Variants in KCNQ1 observed in about 807,000 individuals in gnomAD.
The protein encoded by KCNQ1 is potassium voltage-gated channel subfamily Q member 1.
A neutral mutation model predicts 72.4 loss-of-function variants in KCNQ1; 49 were observed. The ratio of observed to expected loss-of-function variants is 0.68; its 90% CI spans 0.54 to 0.86. The LOEUF is 0.86. Among genes scored for constraint, KCNQ1 ranks in the 40% least tolerant of loss-of-function variants. KCNQ1 has a pLI of 0.00. For synonymous variants in KCNQ1, 450 were observed against 412.6 expected (o/e 1.09, Z -1.10); for missense variants, 790 against 945.1 (o/e 0.84, Z 2.15).
chr11:2,476,800 C>T (rs544879837), intron 1 of KCNQ1, among the ~76,000 whole-genome samples: 1 of 152,210 alleles, frequency 6.6e-6, no homozygotes, highest in Non-Finnish European at 1.5e-5. Context: ...GCTCCTCCCC[C>T]CTCAGCCTCC....
Position 2,710,271 on chromosome 11 carries a change from C to G in KCNQ1, c.1514+48190C>G, listed in dbSNP as rs1428018951. ...TGAGCATCTTATTAGCCATTTGTATCTCTTCTTTGAAGAAGTATGTATTCA... is the reference window on the plus strand; with the variant it reads ...TGAGCATCTTATTAGCCATTTGTATGTCTTCTTTGAAGAAGTATGTATTCA... On this transcript the variant is annotated intron_variant, in intron 11 of 15. Coordinates refer to ENST00000155840, the MANE Select transcript of KCNQ1 (RefSeq NM_000218.3). This position sits in a 1 kb window ranked among gnomAD's most constrained non-coding sequence, Gnocchi z 4.1. Among the ~76,000 whole-genome samples the G allele has an allele frequency of 6.6e-6, 1 of 152,164 alleles. No homozygotes were observed. The highest frequency in any genetic ancestry group is 1.9e-4 in the East Asian group (1 of 5,200).
chr11:2,472,072 G>C (rs1419735639), intron 1 of KCNQ1, among the ~76,000 whole-genome samples: 4 of 151,746 alleles, frequency 2.6e-5, no homozygotes, highest in African/African-American at 9.7e-5. Context: ...GTGTAGGTGT[G>C]TGTGTTCATG....
At chr11:2,832,105 T>C (rs547921806) in intron 15 of KCNQ1, among the ~76,000 whole-genome samples, 1 of 152,190 alleles carries the variant, frequency 6.6e-6, no homozygotes, top group Non-Finnish European at 1.5e-5. Flanking sequence ...CCAGCCTTCC[T>C]GACAGGTGAT....
chr11:2,662,697 G>C (rs916819411), intron 11 of KCNQ1: 2 of 402,466 alleles, frequency 5.0e-6, no homozygotes, highest in Non-Finnish European at 8.8e-6. Flanking sequence ...GGTGACAGCC[G>C]TGCAGCGGGG....
rs1850150177 is a variant in KCNQ1 at position 2,669,886 on chromosome 11, A to G, written c.1514+7805A>G. 1 of 398,474 alleles carries G rather than the reference A, an allele frequency of 2.5e-6. No homozygotes were observed. Among genetic ancestry groups the G allele is most frequent in the Admixed American group, 4.4e-5 (1 of 22,708 alleles). 24.7% of individuals were successfully genotyped at this position (398,474 alleles called of 1,614,324 possible). A position where few individuals can be genotyped will look rare whatever the true frequency, so the allele number is the denominator to read the frequency against. On this transcript the variant is annotated intron_variant, in intron 11 of 15. Coordinates refer to ENST00000155840, the MANE Select transcript of KCNQ1 (RefSeq NM_000218.3). The surrounding 1 kb of genome is among the most constrained non-coding windows in gnomAD (Gnocchi z 5.6). ...ATATGGCTGTCAGCTGCTGTCCTTAATAAGATGTGCCTAGAGGCCTGAGAG... is the reference window on the plus strand; with the variant it reads ...ATATGGCTGTCAGCTGCTGTCCTTAGTAAGATGTGCCTAGAGGCCTGAGAG...
chr11:2,510,235 T>C (rs1847176323), intron 1 of KCNQ1, among the ~76,000 whole-genome samples: 1 of 151,232 alleles, frequency 6.6e-6, no homozygotes, highest in Non-Finnish European at 1.5e-5. Context: ...GCTATGATCT[T>C]GCCACTGCAC....
rs925614213 is a variant in KCNQ1, at chr11:2,816,857, G to C, written c.1795-30910G>C. Among the ~76,000 whole-genome samples, 4 of 151,920 alleles carry C rather than the reference G, an allele frequency of 2.6e-5. No homozygotes were observed. Among genetic ancestry groups the C allele is most frequent in the African/African-American group, 9.7e-5 (4 of 41,386 alleles). On this transcript the variant is annotated intron_variant, in intron 15 of 15. Transcript: ENST00000155840. This position sits in a 1 kb window ranked among gnomAD's most constrained non-coding sequence, Gnocchi z 6.8. ...CCATCTGATGTCTGAGCCCTGAACA[G>C]ACACAGGTGTCTGTTCAGGGCTCCT... is the stretch of plus-strand genomic sequence containing the variant.
In KCNQ1 at chr11:2,670,040, C is replaced by G. The variant is rs1590020955; in HGVS notation, c.1514+7959C>G. On this transcript the variant is annotated intron_variant, in intron 11 of 15. Coordinates refer to ENST00000155840, the MANE Select transcript of KCNQ1 (RefSeq NM_000218.3). This position sits in a 1 kb window ranked among gnomAD's most constrained non-coding sequence, Gnocchi z 4.9. ...GTCCCGTGGAGGTACAGGCGGAAACCTAGCACTCACTATTCTGCTCTGGGG... is the reference window on the plus strand; with the variant it reads ...GTCCCGTGGAGGTACAGGCGGAAACGTAGCACTCACTATTCTGCTCTGGGG... The G allele has an allele frequency of 2.5e-6, 1 of 398,520 alleles. No individual in the cohort carries two copies. The highest frequency in any genetic ancestry group is 4.4e-5 in the Admixed American group (1 of 22,712). 24.7% of individuals were successfully genotyped at this position (398,520 alleles called of 1,614,324 possible).
At chr11:2,749,770 G>A (rs1169961904) in intron 11 of KCNQ1, among the ~76,000 whole-genome samples, 8 of 151,898 alleles carry the variant, frequency 5.3e-5, no homozygotes, top group African/African-American at 1.4e-4. Flanking sequence ...CCAAGATTGC[G>A]CCACTGCACT....
At position 2,724,304 on chromosome 11, in the gene KCNQ1, T is replaced by A. The variant is rs868516817; in HGVS notation, c.1515-44540T>A. 6.6e-6 allele frequency among the ~76,000 whole-genome samples: 1 copy of A among 152,158 alleles called. No homozygotes were observed. The highest frequency in any genetic ancestry group is 1.5e-5 in the Non-Finnish European group (1 of 68,004). On this transcript the variant is annotated intron_variant, in intron 11 of 15. Transcript: ENST00000155840. This position sits in a 1 kb window ranked among gnomAD's most constrained non-coding sequence, Gnocchi z 6.8. ...CTGTCAGGGAGGAGAGCCCTCCCGC[T>A]CCACCAGGTGACGGCCCTAAATCCT...
intron 11 of KCNQ1, chr11:2,672,346 G>C: frequency 2.5e-6 from 1 of 398,714 alleles, no homozygotes; most frequent in Non-Finnish European, 4.4e-6. Flanking sequence ...TGCAGAAGCA[G>C]TGTGGTGGGG....
chr11:2,784,175 G>A lies in KCNQ1; in HGVS notation c.1794+6138G>A, dbSNP rs1234138785. ...TCTATATTTACTTTGAGGTAATTTT[G>A]GGGTATGATATGAAGTAAAGTCTAG... On this transcript the variant is annotated intron_variant, in intron 15 of 15. Transcript: ENST00000155840. This position sits in a 1 kb window ranked among gnomAD's most constrained non-coding sequence, Gnocchi z 4.7. 6.6e-6 allele frequency among the ~76,000 whole-genome samples: 1 copy of A among 151,182 alleles called. No homozygotes were observed. Among genetic ancestry groups the A allele is most frequent in the Non-Finnish European group, 1.5e-5 (1 of 67,772 alleles).
intron 1 of KCNQ1, among the ~76,000 whole-genome samples, chr11:2,452,054 G>A (rs973739723): frequency 2.0e-5 from 3 of 152,324 alleles, no homozygotes; most frequent in East Asian, 3.9e-4. Flanking sequence ...GTCTGTGCCT[G>A]CGTCCTGGCA....
At chr11:2,747,210 G>T (rs1209589595) in intron 11 of KCNQ1, among the ~76,000 whole-genome samples, 2 of 152,226 alleles carry the variant, frequency 1.3e-5, no homozygotes, top group South Asian at 2.1e-4. Flanking sequence ...ATGAAGAAAC[G>T]CCTTAGAAAG....
At chr11:2,590,407 C>T (rs985516690) in intron 10 of KCNQ1, among the ~76,000 whole-genome samples, 6 of 152,230 alleles carry the variant, frequency 3.9e-5, no homozygotes, top group Non-Finnish European at 5.9e-5. Flanking sequence ...CGTCCCAGGG[C>T]GTGGTCCCCC....
intron 15 of KCNQ1, among the ~76,000 whole-genome samples, chr11:2,807,854 G>A (rs1375107300): frequency 6.6e-6 from 1 of 152,058 alleles, no homozygotes; most frequent in East Asian, 1.9e-4. Context: ...CCCCCAATCC[G>A]GTCACCAACT....
chr11:2,568,877 T>C (rs1848284889), intron 2 of KCNQ1, among the ~76,000 whole-genome samples: 1 of 151,800 alleles, frequency 6.6e-6, no homozygotes, highest in Admixed American at 6.6e-5. Context: ...TGTTTTTTGA[T>C]TTTTGTTTTT....
Position 2,664,880 on chromosome 11 carries a change from A to G in KCNQ1, c.1514+2799A>G. 1 of 398,684 alleles carries G rather than the reference A, an allele frequency of 2.5e-6. No homozygotes were observed. Among genetic ancestry groups the G allele is most frequent in the Non-Finnish European group, 4.4e-6 (1 of 226,090 alleles). The allele number at this position is 398,684 out of a possible 1,614,324, so 24.7% of individuals were successfully genotyped here. ...GTTCCAGAATTCAAATTAAAAACAT[A>G]AATAAAGACACATTTTGTTTCCATC... On this transcript the variant is annotated intron_variant, in intron 11 of 15. Transcript: ENST00000155840. The surrounding 1 kb of genome is among the most constrained non-coding windows in gnomAD (Gnocchi z 5.1).
intron 15 of KCNQ1, among the ~76,000 whole-genome samples, chr11:2,804,354 TG>T (rs1246743789): frequency 2.0e-5 from 3 of 152,014 alleles, no homozygotes; most frequent in African/African-American, 7.3e-5. Context: ...CCCAACTCAG[TG>T]GTAGAGCTGA....
Sources: gnomAD v4.1 joint callset for allele counts (sites outside exome capture counted in the v4.1 genomes callset) on GRCh38, gnomAD v4.1.1 for gene constraint, Gnocchi (gnomAD v3.1) non-coding constraint, MANE v1.5 for transcripts, NCBI Gene and HGNC (gene_info 2026-07-23, HGNC 2026-07-21) for gene names.